The following MGMT variants were observed in gnomAD, a reference collection of about 807,000 sequenced individuals.
MGMT encodes O-6-methylguanine-DNA methyltransferase, also known as methylated-DNA--protein-cysteine methyltransferase.
A neutral mutation model predicts 15.9 loss-of-function variants in MGMT; 14 were observed. That is an observed-to-expected ratio of 0.88 (90% CI 0.58 to 1.37). The LOEUF is 1.37. Among genes scored for constraint, MGMT ranks in the 40% most tolerant of loss-of-function variants. The probability of loss-of-function intolerance (pLI) is 0.00; values close to 1 mark genes in which losing one functional copy is unlikely to be tolerated. For synonymous variants in MGMT, 130 were observed against 118.2 expected (o/e 1.10, Z -0.65); for missense variants, 282 against 268.1 (o/e 1.05, Z -0.36).
At chr10:129,610,589 A>C (rs1320840209) in intron 2 of MGMT, among the ~76,000 whole-genome samples, 2 of 152,314 alleles carry the variant, frequency 1.3e-5, no homozygotes, top group Admixed American at 1.3e-4. Flanking sequence ...CAACTAAAAC[A>C]GGGGTTGGCC....
chr10:129,582,500 G>T (rs1047852094), intron 2 of MGMT, among the ~76,000 whole-genome samples: 1 of 151,836 alleles, frequency 6.6e-6, no homozygotes, highest in Non-Finnish European at 1.5e-5. Context: ...TTTGTTCTCC[G>T]TACAACGTCT....
chr10:129,622,562 T>C (rs1847102229), intron 2 of MGMT, among the ~76,000 whole-genome samples: 1 of 152,220 alleles, frequency 6.6e-6, no homozygotes, highest in Non-Finnish European at 1.5e-5. Flanking sequence ...TACACAGAGG[T>C]ATGGTTAACT....
intron 2 of MGMT, among the ~76,000 whole-genome samples, chr10:129,547,421 T>C (rs1401673860): frequency 1.3e-5 from 2 of 152,172 alleles, no homozygotes; most frequent in African/African-American, 4.8e-5. Flanking sequence ...TGCAAATATT[T>C]AAAAGTAGAA....
intron 2 of MGMT, among the ~76,000 whole-genome samples, chr10:129,696,307 C>T (rs1024407116): frequency 1.7e-5 from 2 of 119,040 alleles, no homozygotes; most frequent in East Asian, 2.2e-4. Context: ...ATCATGAAGT[C>T]GATTGCATTA....
chr10:129,606,317 T>G (rs1341306687), intron 2 of MGMT, among the ~76,000 whole-genome samples: 1 of 152,162 alleles, frequency 6.6e-6, no homozygotes, highest in African/African-American at 2.4e-5. Flanking sequence ...ACCTCAAAAT[T>G]TGTATGTCGT....
intron 1 of MGMT, among the ~76,000 whole-genome samples, chr10:129,522,748 A>G (rs1467069334): frequency 6.6e-6 from 1 of 152,154 alleles, no homozygotes; most frequent in Admixed American, 6.5e-5. Flanking sequence ...TCCCATGTCG[A>G]TGTCTGGACG....
chr10:129,623,913 G>A (rs1454084570), intron 2 of MGMT, among the ~76,000 whole-genome samples: 2 of 152,328 alleles, frequency 1.3e-5, no homozygotes, highest in Middle Eastern at 6.8e-3. Flanking sequence ...CAACTTGAAC[G>A]CATGCCATTC....
rs184107306 is a variant in MGMT at position 129,613,616 on chromosome 10, G to A, written c.125+77239G>A. On this transcript the variant is annotated intron_variant, in intron 2 of 4. Coordinates refer to ENST00000651593, the MANE Select transcript of MGMT (RefSeq NM_002412.5). ...TCATCTATCTGGTCTGTTTTTTAAC[G>A]CAACTTGATAAAATACCAGTGTTTT... Among the ~76,000 whole-genome samples the A allele has an allele frequency of 1.3e-4, 20 of 152,258 alleles. No homozygotes were observed. In the East Asian group the frequency reaches 3.9e-3, roughly 29 times the overall value.
intron 1 of MGMT, among the ~76,000 whole-genome samples, chr10:129,530,734 C>T (rs1845921666): frequency 6.6e-6 from 1 of 152,222 alleles, no homozygotes; most frequent in Non-Finnish European, 1.5e-5. Context: ...ACCGGCCTGG[C>T]CATGGCGGCC....
At chr10:129,640,680 C>T (rs917911723) in intron 2 of MGMT, among the ~76,000 whole-genome samples, 2 of 152,126 alleles carry the variant, frequency 1.3e-5, no homozygotes, top group Admixed American at 6.5e-5. Context: ...AAAATACAGA[C>T]CAATATTCCT....
intron 3 of MGMT, among the ~76,000 whole-genome samples, chr10:129,751,763 A>C (rs1296789084): frequency 9.9e-5 from 15 of 151,706 alleles, no homozygotes; most frequent in Non-Finnish European, 2.2e-4. Flanking sequence ...TTTCTCTTTG[A>C]CCTATTGATT....
At chr10:129,589,659 A>G (rs1039571882) in intron 2 of MGMT, among the ~76,000 whole-genome samples, 1 of 152,130 alleles carries the variant, frequency 6.6e-6, no homozygotes, top group African/African-American at 2.4e-5. Flanking sequence ...GTGACCCCCT[A>G]TGGCCTGCGG....
intron 3 of MGMT, chr10:129,715,738 T>G (rs1439118632): frequency 6.6e-6 from 1 of 152,228 alleles, no homozygotes; most frequent in African/African-American, 2.4e-5. Flanking sequence ...GTTAAATGTG[T>G]AAATATTAGT....
intron 2 of MGMT, among the ~76,000 whole-genome samples, chr10:129,565,265 C>G (rs1846341199): frequency 6.6e-6 from 1 of 150,992 alleles, no homozygotes; most frequent in Admixed American, 6.6e-5. Flanking sequence ...TTATAGGTAC[C>G]TTGAGCTACT....
At chr10:129,704,102 G>A (rs967644503) in intron 2 of MGMT, among the ~76,000 whole-genome samples, 1 of 152,118 alleles carries the variant, frequency 6.6e-6, no homozygotes, top group African/African-American at 2.4e-5. Context: ...TTCTTAGATA[G>A]CATCAGTACA....
rs537484109 is a variant in MGMT, at chr10:129,699,795, G to A, written c.126-8100G>A. ...AGGAAGACCTCCTGTTTACTTCTGCGCTAGGAATGGGCTGTGCTCATCACT... is the reference window on the plus strand; with the variant it reads ...AGGAAGACCTCCTGTTTACTTCTGCACTAGGAATGGGCTGTGCTCATCACT... On this transcript the variant is annotated intron_variant, in intron 2 of 4. Coordinates refer to ENST00000651593, the MANE Select transcript of MGMT (RefSeq NM_002412.5). 3.3e-5 allele frequency among the ~76,000 whole-genome samples: 5 copies of A among 152,192 alleles called. No homozygotes were observed. The East Asian group carries it at 5.8e-4, about 18-fold the overall frequency.
chr10:129,660,694 C>T (rs950083348), intron 2 of MGMT, among the ~76,000 whole-genome samples: 3 of 152,094 alleles, frequency 2.0e-5, no homozygotes, highest in South Asian at 2.1e-4. Flanking sequence ...GCTTAGGTTG[C>T]GGGGGGCCAA....
intron 3 of MGMT, among the ~76,000 whole-genome samples, chr10:129,722,878 C>A (rs1374284036): frequency 6.6e-6 from 1 of 151,920 alleles, no homozygotes; most frequent in African/African-American, 2.4e-5. Flanking sequence ...TGGTGGTGCA[C>A]ACCTGTAATC....
intron 2 of MGMT, among the ~76,000 whole-genome samples, chr10:129,640,313 G>A (rs111926459): frequency 6.6e-6 from 1 of 151,982 alleles, no homozygotes. Context: ...GGCCAGGCTG[G>A]TCTCAAACTC....
Sources: allele counts gnomAD v4.1 joint callset (sites outside exome capture counted in the v4.1 genomes callset), GRCh38; gene constraint gnomAD v4.1.1; transcripts MANE v1.5; gene names NCBI Gene and HGNC (gene_info 2026-07-23, HGNC 2026-07-21).